POTEE: variants seen among roughly 807,000 people sequenced by gnomAD.
POTEE encodes the protein ANKRD26-like family C member 1A.
A neutral mutation model predicts 74.2 loss-of-function variants in POTEE; 21 were observed. The observed-to-expected ratio is 0.28, with a 90% CI of 0.20 to 0.41. POTEE has a LOEUF of 0.41. POTEE is among the 10% of genes least tolerant of loss of function. POTEE has a pLI of 1.00. For missense variants in POTEE, 525 were observed against 1,158.6 expected, an observed-to-expected ratio of 0.45 and a Z score of 7.94; for synonymous variants, 211 against 432.8, an observed-to-expected ratio of 0.49 and a Z score of 6.36.
In POTEE at chr2:131,218,559, G is replaced by A; in HGVS notation, c.157G>A (p.Ala53Thr). ...VGTSGDHDDS[A>T]MKTLRSKMGK... is the part of the protein sequence containing the mutation. ...CACTTCTGGAGACCACGACGACTCT[G>A]CTATGAAGACACTCAGGAGCAAGAT... Residue 53 changes from alanine to threonine, a missense_variant, in exon 4 of 18, where the codon GCT becomes ACT. Physicochemically the swap from Ala to Thr is moderately conservative, Grantham distance 58. Transcript: ENST00000683005. 1 of 1,612,504 alleles carries A rather than the reference G, an allele frequency of 6.2e-7. No homozygotes were observed. The highest frequency in any genetic ancestry group is 8.5e-7 in the Non-Finnish European group (1 of 1,179,734).
At chr2:131,214,582 A>G (rs1163364083) in intron 2 of POTEE, among the ~76,000 whole-genome samples, 4 of 152,086 alleles carry the variant, frequency 2.6e-5, no homozygotes, top group African/African-American at 9.7e-5. Flanking sequence ...GGCTCGGCTT[A>G]AAAGAAAATG....
intron 2 of POTEE, among the ~76,000 whole-genome samples, chr2:131,216,397 G>C (rs1700442869): frequency 6.6e-6 from 1 of 152,192 alleles, no homozygotes; most frequent in Non-Finnish European, 1.5e-5. Flanking sequence ...TTAGCAAAAA[G>C]AACAAACCTG....
At chr2:131,220,553 A>C (rs577561761) in intron 4 of POTEE, among the ~76,000 whole-genome samples, 2,904 of 152,084 alleles carry the variant, frequency 0.019, 97 homozygotes, top group African/African-American at 0.064. Flanking sequence ...TGGGCAAAGT[A>C]CTTTTTTTGC....
intron 2 of POTEE, among the ~76,000 whole-genome samples, chr2:131,215,326 A>G (rs1004959963): frequency 6.6e-6 from 1 of 152,216 alleles, no homozygotes; most frequent in African/African-American, 2.4e-5. Context: ...AGAATATACA[A>G]TGCAATTAGG....
chr2:131,233,321 A>T (rs1368603977), intron 9 of POTEE, among the ~76,000 whole-genome samples: 1 of 151,828 alleles, frequency 6.6e-6, no homozygotes, highest in Admixed American at 6.6e-5. Flanking sequence ...AGCCACCATG[A>T]TTATATGTAA....
chr2:131,217,758 ACGCCGCACGCG>A (rs1700477805), intron 3 of POTEE, among the ~76,000 whole-genome samples, 75 bp downstream of exon 3: 2 of 11,182 alleles, frequency 1.8e-4, no homozygotes, highest in African/African-American at 2.4e-4. Context: ...CGCACGCCGC[ACGCCGCACGCG>A]CACGCCGCAC....
intron 8 of POTEE, among the ~76,000 whole-genome samples, chr2:131,230,525 A>G (rs917759696): frequency 2.0e-5 from 3 of 152,214 alleles, no homozygotes; most frequent in African/African-American, 7.2e-5. Context: ...GTCCAAGAAC[A>G]AATAGCTGTT....
At chr2:131,229,963 A>C in intron 8 of POTEE, among the ~76,000 whole-genome samples, 1 of 151,842 alleles carries the variant, frequency 6.6e-6, no homozygotes, top group African/African-American at 2.4e-5. Context: ...AAAAAATAAA[A>C]GTAGACTTTT....
chr2:131,211,520 CTGTGTGTGTG>C (rs369206786), intron 2 of POTEE, among the ~76,000 whole-genome samples: 2 of 50,266 alleles, frequency 4.0e-5, no homozygotes, highest in South Asian at 8.8e-4. Context: ...TAGGGGGTGA[CTGTGTGTGTG>C]TGTGTGTGTG....
intron 8 of POTEE, among the ~76,000 whole-genome samples, chr2:131,228,656 A>AT (rs1652888124): frequency 6.8e-6 from 1 of 147,292 alleles, no homozygotes; most frequent in East Asian, 1.9e-4. Context: ...ACACCTATGC[A>AT]GGGATAAAAA....
intron 2 of POTEE, among the ~76,000 whole-genome samples, chr2:131,214,610 T>C (rs1168914767): frequency 2.6e-5 from 4 of 152,108 alleles, no homozygotes; most frequent in Non-Finnish European, 4.4e-5. Context: ...TTAAATATTT[T>C]GTAAGAAAAA....
intron 2 of POTEE, among the ~76,000 whole-genome samples, chr2:131,214,577 G>A (rs1435524557): frequency 4.0e-5 from 6 of 151,804 alleles, no homozygotes; most frequent in Admixed American, 6.6e-5. Flanking sequence ...ATAATGGCTC[G>A]GCTTAAAAGA....
At chr2:131,221,918 A>G (rs1197706600) in intron 4 of POTEE, among the ~76,000 whole-genome samples, 1 of 152,264 alleles carries the variant, frequency 6.6e-6, no homozygotes, top group Non-Finnish European at 1.5e-5. Flanking sequence ...GTCATCAGAC[A>G]TAAGCCAGAC....
chr2:131,258,515 T>C (rs1338161084), intron 16 of POTEE, among the ~76,000 whole-genome samples: 3 of 150,068 alleles, frequency 2.0e-5, no homozygotes, highest in Non-Finnish European at 1.5e-5. Flanking sequence ...TCTGTGTTTT[T>C]AAATTCCTTT....
intron 13 of POTEE, among the ~76,000 whole-genome samples, chr2:131,248,563 C>T (rs1228385436): frequency 6.7e-6 from 1 of 149,484 alleles, no homozygotes; most frequent in Non-Finnish European, 1.5e-5. Context: ...ATTGGATAAT[C>T]AGCATTTATA....
chr2:131,264,079 C>T lies in POTEE; in HGVS notation c.2624C>T (p.Thr875Ile). The change falls in exon 18 of 18, where the codon ACC becomes ATC. Residue 875 changes from threonine (T) to isoleucine (I), a missense_variant. By Grantham distance (89) the Thr-to-Ile change is moderately conservative. Transcript: ENST00000683005. Reference protein sequence around the residue: ...IYEGNALPHATLRLDLAGREL... With the variant: ...IYEGNALPHAILRLDLAGREL... ...GAGGGGAATGCCCTCCCCCATGCCA[C>T]CCTGCGCCTAGACCTGGCTGGGCGG... is the stretch of plus-strand genomic sequence containing the variant. The T allele has an allele frequency of 6.2e-7, 1 of 1,614,226 alleles. No individual in the cohort carries two copies. Among genetic ancestry groups the T allele is most frequent in the Non-Finnish European group, 8.5e-7 (1 of 1,180,044 alleles).
At chr2:131,236,898 G>GT in intron 10 of POTEE, 96 bp downstream of exon 10, 1 of 384,884 alleles carries the variant, frequency 2.6e-6, no homozygotes, top group Non-Finnish European at 4.2e-6. Flanking sequence ...TTCAGACTAG[G>GT]TTTTGAGAAT....
At chr2:131,248,483 CA>C (rs1196372774) in intron 13 of POTEE, among the ~76,000 whole-genome samples, 1 of 152,174 alleles carries the variant, frequency 6.6e-6, no homozygotes, top group Non-Finnish European at 1.5e-5. Flanking sequence ...AGCAGCAGGT[CA>C]GCAGGAATGA....
At chr2:131,222,515 C>T (rs1432278353) in intron 4 of POTEE, among the ~76,000 whole-genome samples, 3 of 151,704 alleles carry the variant, frequency 2.0e-5, no homozygotes, top group African/African-American at 7.3e-5. Flanking sequence ...CCTTGGTGCA[C>T]GTGTTTACCT....
Sources: gnomAD v4.1 joint callset for allele counts (sites outside exome capture counted in the v4.1 genomes callset) on GRCh38, gnomAD v4.1.1 for gene constraint, MANE v1.5 for transcripts, NCBI Gene and HGNC (gene_info 2026-07-23, HGNC 2026-07-21) for gene names.